The following TMTC2 variants were observed in gnomAD, a reference collection of about 807,000 sequenced individuals.
TMTC2 encodes transmembrane O-mannosyltransferase targeting cadherins 2.
Under a neutral mutation model 82.4 loss-of-function variants are expected in TMTC2, and 43 were observed. The ratio of observed to expected loss-of-function variants is 0.52; its 90% CI spans 0.41 to 0.67. The LOEUF is 0.67. TMTC2 is among the 30% of genes least tolerant of loss of function. The pLI is 0.00. For synonymous variants in TMTC2, 408 were observed against 381.9 expected (o/e 1.07, Z -0.80); for missense variants, 919 against 1,012.4 (o/e 0.91, Z 1.25).
rs71068957 is a variant in TMTC2 at position 82,912,939 on chromosome 12, GA to G, written c.1483+16309del. Among the ~76,000 whole-genome samples the G allele has an allele frequency of 5.9e-4, 75 of 126,892 alleles. 1 individual carries two copies. Among genetic ancestry groups the G allele is most frequent in the Admixed American group, 9.1e-4 (11 of 12,096 alleles). The allele number at this position is 126,892 out of a possible 152,430, so 83.2% of individuals were successfully genotyped here. The stretch of plus-strand genomic sequence containing the variant: ...GGGTGACAGAGTTGAGACCTTGTCT[GA>G]AAAAAAAAAAAAAAAGAATGGGTGG... On this transcript the variant is annotated intron_variant, in intron 3 of 11. Transcript: ENST00000321196.
chr12:82,709,125 GC>G (rs78161796), intron 1 of TMTC2, among the ~76,000 whole-genome samples: 8,100 of 149,006 alleles, frequency 0.054, 422 homozygotes, highest in East Asian at 0.12. Flanking sequence ...CCATGTTTTT[GC>G]CGTGATCTGG....
chr12:83,076,222 T>C (rs982508558), intron 11 of TMTC2, among the ~76,000 whole-genome samples: 1 of 152,204 alleles, frequency 6.6e-6, no homozygotes, highest in Non-Finnish European at 1.5e-5. Flanking sequence ...ACTCTCTGTA[T>C]ATATGTGTGT....
At chr12:83,081,605 G>A (rs781475056) in intron 11 of TMTC2, among the ~76,000 whole-genome samples, 1 of 152,082 alleles carries the variant, frequency 6.6e-6, no homozygotes, top group Non-Finnish European at 1.5e-5. Flanking sequence ...AGTTCATATA[G>A]TACAGATTTT....
At chr12:82,807,755 T>C (rs1424529500) in intron 1 of TMTC2, among the ~76,000 whole-genome samples, 1 of 152,086 alleles carries the variant, frequency 6.6e-6, no homozygotes, top group East Asian at 1.9e-4. Context: ...AGACCAGTGA[T>C]CTAATACTCC....
At position 82,706,323 on chromosome 12, in the gene TMTC2, C is replaced by CA. The variant is rs11365830; in HGVS notation, c.83+18673dup. Among the ~76,000 whole-genome samples the CA allele has an allele frequency of 7.9e-3, 634 of 80,204 alleles. 6 individuals carry two copies. The highest frequency in any genetic ancestry group is 0.026 in the African/African-American group (560 of 21,598). 52.6% of individuals were successfully genotyped at this position (80,204 alleles called of 152,430 possible). A position where few individuals can be genotyped will look rare whatever the true frequency, so the allele number is the denominator to read the frequency against. On this transcript the variant is annotated intron_variant, in intron 1 of 11. Transcript: ENST00000321196. The stretch of plus-strand genomic sequence containing the variant: ...CAGACAACAAAGCAAGAGTCCATCT[C>CA]AAAAAAAAAAAAAAAAAAAGGATGA...
chr12:83,032,987 TAAG>T, intron 9 of TMTC2, among the ~76,000 whole-genome samples: 1 of 152,334 alleles, frequency 6.6e-6, no homozygotes, highest in Middle Eastern at 3.4e-3. Flanking sequence ...ACATACATTA[TAAG>T]AAGTATTTTA....
rs1875705419 is a variant in TMTC2 at position 82,926,154 on chromosome 12, G to A, written c.1484-4277G>A. Reference sequence around the variant, plus strand: ...TGCCAACACACCCAGCTAATTTTTTGTATTTTAGTAGAGATGGGGTTTCAC... The same window carrying A: ...TGCCAACACACCCAGCTAATTTTTTATATTTTAGTAGAGATGGGGTTTCAC... On this transcript the variant is annotated intron_variant, in intron 3 of 11. Transcript: ENST00000321196. Among the ~76,000 whole-genome samples the A allele has an allele frequency of 2.0e-5, 3 of 151,960 alleles. No individual in the cohort carries two copies. In the South Asian group the frequency reaches 6.2e-4, roughly 32 times the overall value.
chr12:82,690,010 G>C (rs1324731300), intron 1 of TMTC2, among the ~76,000 whole-genome samples: 2 of 152,108 alleles, frequency 1.3e-5, no homozygotes, highest in Non-Finnish European at 2.9e-5. Context: ...AGCAAACTTT[G>C]TTTTTATGTA....
chr12:83,040,046 A>T (rs1017472578), intron 9 of TMTC2, among the ~76,000 whole-genome samples: 1 of 152,226 alleles, frequency 6.6e-6, no homozygotes, highest in Non-Finnish European at 1.5e-5. Context: ...TAACAATTAC[A>T]TTCCTGACCA....
intron 1 of TMTC2, among the ~76,000 whole-genome samples, chr12:82,848,374 CTT>C (rs1870800835): frequency 6.6e-6 from 1 of 152,120 alleles, no homozygotes; most frequent in Non-Finnish European, 1.5e-5. Context: ...CTCCTGGAAA[CTT>C]TTGACCCTCT....
Position 82,750,216 on chromosome 12 carries a change from TACC to T in TMTC2, c.83+62550_83+62552del, listed in dbSNP as rs1280708086. Reference sequence around the variant, plus strand: ...ATTTTGAAGTTCCTCTTTTGTTTTATACCACTGAACTCTAAAAGTTTAATCTTT... The same window carrying T: ...ATTTTGAAGTTCCTCTTTTGTTTTATACTGAACTCTAAAAGTTTAATCTTT... On this transcript the variant is annotated intron_variant, in intron 1 of 11. Transcript: ENST00000321196. 2.0e-5 allele frequency among the ~76,000 whole-genome samples: 3 copies of T among 149,620 alleles called. No homozygotes were observed. The East Asian group carries it at 6.0e-4, about 30-fold the overall frequency.
chr12:82,901,332 T>G (rs1411966226), intron 3 of TMTC2, among the ~76,000 whole-genome samples: 7 of 145,824 alleles, frequency 4.8e-5, no homozygotes, highest in African/African-American at 7.6e-5. Context: ...TGAGACAGAT[T>G]CTCGCTCTGT....
Position 82,720,116 on chromosome 12 carries a change from A to G in TMTC2, c.83+32447A>G, listed in dbSNP as rs764434704. Among the ~76,000 whole-genome samples, 79 of 152,232 alleles carry G rather than the reference A, an allele frequency of 5.2e-4. 1 individual carries two copies. The highest frequency in any genetic ancestry group is 8.5e-4 in the Non-Finnish European group (58 of 68,010). ...GTTCACCCATTTAAACTCAAACTCA[A>G]TGGTTTTTAGTATATTCACAGGTGT... On this transcript the variant is annotated intron_variant, in intron 1 of 11. Transcript: ENST00000321196.
At chr12:82,727,844 CAAAAAAAAAAAAAA>C (rs58681807) in intron 1 of TMTC2, among the ~76,000 whole-genome samples, 1 of 148,252 alleles carries the variant, frequency 6.7e-6, no homozygotes, top group Admixed American at 6.8e-5. Flanking sequence ...TAAGAAAGGC[CAAAAAAAAAAAAAA>C]AAAAAAAGAG....
chr12:82,877,571 G>A (rs932453160), intron 2 of TMTC2, among the ~76,000 whole-genome samples: 5 of 152,026 alleles, frequency 3.3e-5, no homozygotes, highest in African/African-American at 7.2e-5. Flanking sequence ...TAGTCTTCCT[G>A]TCTCCTCTTT....
At chr12:82,929,622 C>T (rs750622448) in intron 3 of TMTC2, among the ~76,000 whole-genome samples, 1 of 152,102 alleles carries the variant, frequency 6.6e-6, no homozygotes, top group African/African-American at 2.4e-5. Flanking sequence ...TCTTCTCATC[C>T]TCATCATTTG....
At chr12:82,802,568 A>G (rs1212541241) in intron 1 of TMTC2, among the ~76,000 whole-genome samples, 1 of 152,200 alleles carries the variant, frequency 6.6e-6, no homozygotes, top group Non-Finnish European at 1.5e-5. Context: ...CAGGAATAGA[A>G]CTGATTTCTA....
At chr12:82,713,739 A>T (rs999002165) in intron 1 of TMTC2, among the ~76,000 whole-genome samples, 5 of 152,234 alleles carry the variant, frequency 3.3e-5, no homozygotes, top group African/African-American at 1.2e-4. Flanking sequence ...AAACCATATC[A>T]GTCATAGTGT....
At chr12:83,062,513 A>G (rs1236353040) in intron 11 of TMTC2, among the ~76,000 whole-genome samples, 2 of 151,810 alleles carry the variant, frequency 1.3e-5, no homozygotes, top group African/African-American at 2.4e-5. Context: ...CACCAATGCT[A>G]AAATCTTCTA....
Sources: allele counts gnomAD v4.1 joint callset (sites outside exome capture counted in the v4.1 genomes callset), GRCh38; gene constraint gnomAD v4.1.1; transcripts MANE v1.5; gene names NCBI Gene and HGNC (gene_info 2026-07-23, HGNC 2026-07-21).